PPP4R3A: variants seen among roughly 807,000 people sequenced by gnomAD.
PPP4R3A encodes the protein protein phosphatase 4 regulatory subunit 3A.
In PPP4R3A, 15 loss-of-function variants were observed where a neutral mutation model predicts 91.7. The ratio of observed to expected loss-of-function variants is 0.16; its 90% CI spans 0.11 to 0.25. The LOEUF is 0.25. Ranked by LOEUF, PPP4R3A falls within the 10% of genes least tolerant of loss-of-function variation. PPP4R3A has a pLI of 1.00. For synonymous variants in PPP4R3A, 377 were observed against 348.7 expected (o/e 1.08, Z -0.91); for missense variants, 623 against 998.4 (o/e 0.62, Z 5.07).
rs1889593673 is a variant in PPP4R3A at position 91,482,001 on chromosome 14, G to A, written c.490C>T (p.Leu164=). 3 of 1,613,918 alleles carry A rather than the reference G, an allele frequency of 1.9e-6. No individual in the cohort carries two copies. The highest frequency in any genetic ancestry group is 2.5e-6 in the Non-Finnish European group (3 of 1,180,044). ...TTTTTAATATAACCCTCATTTTCTA[G>A]TGCCAGTGCAAGTTTTTCACGACGA... is the stretch of plus-strand genomic sequence containing the variant. ...PLRREKLALA[L]ENEGYIKKLL... is the part of the protein sequence containing the mutation. The change falls in exon 4 of 15, where the codon CTA becomes TTA. Residue 164 remains leucine (L), a synonymous_variant. Coordinates refer to ENST00000554943, the MANE Select transcript of PPP4R3A (RefSeq NM_001366432.2).
intron 1 of PPP4R3A, among the ~76,000 whole-genome samples, chr14:91,505,224 G>T (rs1320434605): frequency 6.6e-6 from 1 of 152,060 alleles, no homozygotes; most frequent in East Asian, 1.9e-4. Flanking sequence ...AGGCTGAGGA[G>T]GGCGGATCAC....
intron 1 of PPP4R3A, among the ~76,000 whole-genome samples, chr14:91,498,874 A>G (rs540771596): frequency 6.9e-6 from 1 of 145,662 alleles, no homozygotes; most frequent in South Asian, 2.2e-4. Context: ...AGATGGCACC[A>G]CTGCACTCCA....
At chr14:91,466,336 A>T (rs1040714739) in intron 10 of PPP4R3A, 2 of 985,724 alleles carry the variant, frequency 2.0e-6, no homozygotes, top group African/African-American at 3.5e-5. Flanking sequence ...GAGATCATGG[A>T]AGTGGCTCGT....
chr14:91,473,921 C>T (rs1324339569), intron 7 of PPP4R3A, among the ~76,000 whole-genome samples: 5 of 152,170 alleles, frequency 3.3e-5, no homozygotes, highest in African/African-American at 7.2e-5. Flanking sequence ...AGGCATGCAC[C>T]ACCATGCCCG....
At chr14:91,494,172 G>C (rs1269698448) in intron 1 of PPP4R3A, among the ~76,000 whole-genome samples, 1 of 152,112 alleles carries the variant, frequency 6.6e-6, no homozygotes, top group Admixed American at 6.5e-5. Context: ...AAGTAAAATA[G>C]AGTGAAAGAA....
At position 91,462,156 on chromosome 14, in the gene PPP4R3A, T is replaced by C; in HGVS notation, c.2057A>G (p.Asp686Gly). The change falls in exon 13 of 15, where the codon GAT becomes GGT. Residue 686 changes from aspartate (D) to glycine (G), a missense_variant. Asp to Gly is a moderately conservative substitution (Grantham distance 94). Around this residue, in one of 5 missense-constraint regions of PPP4R3A, gnomAD observed 201 missense variants for 229.9 expected, o/e 0.87. Coordinates refer to ENST00000554943, the MANE Select transcript of PPP4R3A (RefSeq NM_001366432.2). Reference sequence around the variant, plus strand: ...TTCTCCATCTTCCATGTCATCTTCATCTGTGTTAAACCACATCTCTTCTTC... The same window carrying C: ...TTCTCCATCTTCCATGTCATCTTCACCTGTGTTAAACCACATCTCTTCTTC... ...EDEEEMWFNTDEDDMEDGEAV... is the reference protein window; with the variant it reads ...EDEEEMWFNTGEDDMEDGEAV... 6.2e-7 allele frequency: 1 copy of C among 1,610,160 alleles called. No individual in the cohort carries two copies. The highest frequency in any genetic ancestry group is 8.5e-7 in the Non-Finnish European group (1 of 1,178,774).
chr14:91,467,331 C>T (rs535382941), intron 10 of PPP4R3A, among the ~76,000 whole-genome samples: 1 of 152,242 alleles, frequency 6.6e-6, no homozygotes, highest in South Asian at 2.1e-4. Flanking sequence ...TTAGGATAGG[C>T]CAAGTTGGCA....
At chr14:91,459,356 T>C (rs1394521998) in intron 14 of PPP4R3A, among the ~76,000 whole-genome samples, 1 of 152,112 alleles carries the variant, frequency 6.6e-6, no homozygotes, top group African/African-American at 2.4e-5. Flanking sequence ...TCCACCTACC[T>C]TGGACTCCCA....
chr14:91,468,410 C>T (rs967389769), intron 10 of PPP4R3A, among the ~76,000 whole-genome samples: 2 of 152,084 alleles, frequency 1.3e-5, no homozygotes, highest in South Asian at 2.1e-4. Context: ...CCATGGCTCA[C>T]GCCTGAATCC....
chr14:91,463,156 C>T (rs541057391), intron 11 of PPP4R3A, among the ~76,000 whole-genome samples: 1 of 152,110 alleles, frequency 6.6e-6, no homozygotes, highest in Admixed American at 6.5e-5. Context: ...ACCTCTGCCT[C>T]CTGGATTTAA....
chr14:91,468,689 AGGAAAAAAG>A (rs1888641045), intron 10 of PPP4R3A, among the ~76,000 whole-genome samples: 14 of 106,658 alleles, frequency 1.3e-4, no homozygotes, highest in African/African-American at 5.0e-4. Flanking sequence ...AAAAAAAAAA[AGGAAAAAAG>A]AAAAAAAAGA....
At chr14:91,482,279 G>T in intron 3 of PPP4R3A, 86 bp from the exon 4 acceptor site, 1 of 1,382,692 alleles carries the variant, frequency 7.2e-7, no homozygotes, top group Non-Finnish European at 9.6e-7. Context: ...TACTAGAAAT[G>T]TTGTAAGAAA....
rs771183788 is a variant in PPP4R3A, at chr14:91,458,764, A to G, written c.2497T>C (p.Ser833Pro). The G allele has an allele frequency of 6.2e-7, 1 of 1,614,116 alleles. No homozygotes were observed. The highest frequency in any genetic ancestry group is 2.2e-5 in the East Asian group (1 of 44,874). Residue 833 changes from serine (S) to proline (P), a missense_variant, in exon 15 of 15, where the codon TCA becomes CCA. This residue lies in a region of PPP4R3A where 201 missense variants were observed against 229.9 expected (regional missense o/e 0.87). Coordinates refer to ENST00000554943, the MANE Select transcript of PPP4R3A (RefSeq NM_001366432.2). ...LPLSKKAKFD[S>P] ...ATCCTAGGCCGTTGCCATTATTATG[A>G]ATCAAATTTTGCTTTCTTTGACAAT...
intron 4 of PPP4R3A, among the ~76,000 whole-genome samples, chr14:91,480,123 C>T (rs1889462389): frequency 6.6e-6 from 1 of 152,084 alleles, no homozygotes; most frequent in African/African-American, 2.4e-5. Context: ...CCCTAAAACA[C>T]CAGATCAGAG....
intron 3 of PPP4R3A, among the ~76,000 whole-genome samples, chr14:91,484,480 G>A (rs1294091992): frequency 6.6e-6 from 1 of 152,114 alleles, no homozygotes; most frequent in East Asian, 1.9e-4. Context: ...GACTACTTCC[G>A]AACTAGAACA....
intron 8 of PPP4R3A, 31 bp from the exon 9 acceptor site, chr14:91,473,166 T>C (rs376516097): frequency 3.1e-6 from 5 of 1,613,662 alleles, no homozygotes; most frequent in East Asian, 2.2e-5. Flanking sequence ...CCATGAACTT[T>C]AACCACACTG....
chr14:91,465,262 T>C lies in PPP4R3A; in HGVS notation c.1818A>G (p.Glu606=), dbSNP rs754100604. 1 of 1,555,860 alleles carries C rather than the reference T, an allele frequency of 6.4e-7. No individual in the cohort carries two copies. The highest frequency in any genetic ancestry group is 2.2e-5 in the Admixed American group (1 of 45,236). Reference sequence around the variant, plus strand: ...ATACAGAACCTACCACTCTAATAAATTCAAACATCTCTATTATGGCAGAGT... The same window carrying C: ...ATACAGAACCTACCACTCTAATAAACTCAAACATCTCTATTATGGCAGAGT... ...LMNSAIIEMF[E]FIRVEDIKSL... is the part of the protein sequence containing the mutation. The change falls in exon 11 of 15, where the codon GAA becomes GAG. Residue 606 remains glutamate (E), a synonymous_variant. Transcript: ENST00000554943.
At chr14:91,495,691 T>C (rs1890514805) in intron 1 of PPP4R3A, among the ~76,000 whole-genome samples, 1 of 150,550 alleles carries the variant, frequency 6.6e-6, no homozygotes. Flanking sequence ...TAAATACTGT[T>C]AAAAAAAAAA....
At chr14:91,492,100 A>G (rs1288771088) in intron 1 of PPP4R3A, among the ~76,000 whole-genome samples, 1 of 152,234 alleles carries the variant, frequency 6.6e-6, no homozygotes, top group African/African-American at 2.4e-5. Context: ...TAATTTATGG[A>G]CAGCAGAAGG....
Sources: allele counts gnomAD v4.1 joint callset (sites outside exome capture counted in the v4.1 genomes callset), GRCh38; gene constraint gnomAD v4.1.1; regional missense constraint gnomAD v4.1.1; transcripts MANE v1.5; gene names NCBI Gene and HGNC (gene_info 2026-07-23, HGNC 2026-07-21).